The following PDXDC1 variants were observed in gnomAD, a reference collection of about 807,000 sequenced individuals.
The protein encoded by PDXDC1 is pyridoxal dependent decarboxylase domain containing 1.
Under a neutral mutation model 100.1 loss-of-function variants are expected in PDXDC1, and 42 were observed. The observed-to-expected ratio is 0.42, with a 90% confidence interval of 0.33 to 0.54. The LOEUF (loss-of-function observed/expected upper bound fraction) is 0.54, where lower values mean the gene tolerates loss of function less well. Ranked by LOEUF, PDXDC1 falls within the 20% of genes least tolerant of loss-of-function variation. The pLI, the probability that PDXDC1 is intolerant of heterozygous loss-of-function variation, is 0.10. For missense variants in PDXDC1, 636 were observed against 979.2 expected (o/e 0.65, Z 4.68); for synonymous variants, 260 against 371.7 (o/e 0.70, Z 3.46).
intron 16 of PDXDC1, chr16:15,044,460 G>T: frequency 7.8e-6 from 9 of 1,147,096 alleles, no homozygotes; most frequent in Non-Finnish European, 1.2e-5. Flanking sequence ...CGGTGCGTGC[G>T]CTGGTCTCAC....
chr16:15,075,842 T>C (rs898531817), intron 16 of PDXDC1, among the ~76,000 whole-genome samples: 1 of 152,136 alleles, frequency 6.6e-6, no homozygotes, highest in Non-Finnish European at 1.5e-5. Flanking sequence ...ACCTCCCCAC[T>C]GCTGTGAGTA....
At position 15,037,790 on chromosome 16, in the gene PDXDC1, T is replaced by C. The variant is rs542084195; in HGVS notation, c.*1515T>C. ...AGGTAGGTTCTCCTCTGCCCGTTAT[T>C]ACCGACCAAAAAAAAAACTGGACAT... On this transcript the variant is annotated 3_prime_UTR_variant, in exon 23 of 23. Transcript: ENST00000396410. 70 of 409,448 alleles carry C rather than the reference T, an allele frequency of 1.7e-4. No homozygotes were observed. The South Asian group carries it at 3.1e-3, about 18-fold the overall frequency. The allele number at this position is 409,448 out of a possible 1,614,324, so 25.4% of individuals were successfully genotyped here.
intron 16 of PDXDC1, chr16:15,047,677 C>T: frequency 3.3e-6 from 3 of 913,552 alleles, no homozygotes; most frequent in Non-Finnish European, 5.4e-6. Flanking sequence ...ACGGACAGGT[C>T]TGTGCTCCCC....
intron 1 of PDXDC1, among the ~76,000 whole-genome samples, chr16:14,985,138 A>G (rs541511202): frequency 4.5e-4 from 69 of 152,360 alleles, no homozygotes; most frequent in African/African-American, 1.6e-3. Flanking sequence ...CGGCCTCCCA[A>G]AGTGCTGGGA....
intron 16 of PDXDC1, chr16:15,137,344 G>C: frequency 6.7e-7 from 1 of 1,493,438 alleles, no homozygotes; most frequent in Non-Finnish European, 9.0e-7. Context: ...ACAGGCAGGC[G>C]AAGGAGGCAC....
intron 17 of PDXDC1, 165 bp downstream of exon 17, chr16:15,032,071 G>A (rs1282744860): frequency 1.5e-6 from 1 of 656,708 alleles, no homozygotes; most frequent in Non-Finnish European, 2.6e-6. Context: ...CACAGTGCAA[G>A]CAGGCAATTT....
downstream of PDXDC1, among the ~76,000 whole-genome samples, chr16:15,042,183 ATC>A (rs2043845928): frequency 1.4e-5 from 2 of 144,444 alleles, no homozygotes; most frequent in African/African-American, 5.0e-5. Flanking sequence ...ACAATTTTAT[ATC>A]TTTTTTTTTT....
chr16:15,147,226 C>A, the PDXDC1 span, among the ~76,000 whole-genome samples: 1 of 152,052 alleles, frequency 6.6e-6, no homozygotes, highest in Non-Finnish European at 1.5e-5. Context: ...CCCCTCAGCC[C>A]CTCGGGGAGT....
intron 1 of PDXDC1, among the ~76,000 whole-genome samples, chr16:14,984,388 G>A (rs1968757289): frequency 9.5e-6 from 1 of 104,736 alleles, no homozygotes; most frequent in African/African-American, 3.3e-5. Context: ...GATTTGAGGT[G>A]TGTGTTTGTG....
chr16:15,131,297 C>T (rs750163450), intron 16 of PDXDC1: 19 of 1,572,216 alleles, frequency 1.2e-5, no homozygotes, highest in East Asian at 9.0e-5. Context: ...ATCTGGGCGC[C>T]GGCCTGTGTC....
chr16:15,131,499 C>T (rs945510246), intron 16 of PDXDC1: 40 of 1,607,432 alleles, frequency 2.5e-5, no homozygotes, highest in Non-Finnish European at 3.1e-5. Context: ...GCAGGCTCCG[C>T]GGGTCCGAGC....
chr16:15,102,842 G>A (rs1406627167), intron 16 of PDXDC1, among the ~76,000 whole-genome samples: 2 of 149,602 alleles, frequency 1.3e-5, no homozygotes, highest in African/African-American at 5.1e-5. Flanking sequence ...GGGAGGTTGA[G>A]GTGGCAGTAT....
chr16:15,143,187 C>T (rs1033716866), downstream of PDXDC1, among the ~76,000 whole-genome samples: 11 of 152,136 alleles, frequency 7.2e-5, no homozygotes, highest in African/African-American at 2.7e-4. Context: ...ACCATCCTAG[C>T]GTGGGACCCA....
At position 15,037,319 on chromosome 16, in the gene PDXDC1, C is replaced by CTTAATCCAGCAGTCAAGCTAA. The variant is rs1196352280; in HGVS notation, c.*1063_*1064insAATTAATCCAGCAGTCAAGCT. On this transcript the variant is annotated 3_prime_UTR_variant, in exon 23 of 23. Transcript: ENST00000396410. ...TCGTAAGTAATGGCCCCTGTGCCTT[C>CTTAATCCAGCAGTCAAGCTAA]TTAATCCAGCAGTCAAGCTTTTGGG... is the stretch of plus-strand genomic sequence containing the variant. 1 of 152,214 alleles carries CTTAATCCAGCAGTCAAGCTAA rather than the reference C, an allele frequency of 6.6e-6. No individual in the cohort carries two copies. The highest frequency in any genetic ancestry group is 2.4e-5 in the African/African-American group (1 of 41,442). 9.4% of individuals were successfully genotyped at this position (152,214 alleles called of 1,614,324 possible).
intron 16 of PDXDC1, chr16:15,129,785 T>C: frequency 1.5e-6 from 1 of 687,934 alleles, no homozygotes; most frequent in Non-Finnish European, 2.6e-6. Context: ...AAAAACTGCC[T>C]TGTTCTGACG....
chr16:15,070,705 G>C (rs1233232160), intron 16 of PDXDC1, among the ~76,000 whole-genome samples: 1 of 151,864 alleles, frequency 6.6e-6, no homozygotes, highest in African/African-American at 2.4e-5. Context: ...TTGTCCAAAG[G>C]TATCTTTATG....
At chr16:15,031,401 G>A (rs2043058431) in intron 16 of PDXDC1, among the ~76,000 whole-genome samples, 1 of 152,152 alleles carries the variant, frequency 6.6e-6, no homozygotes, top group South Asian at 2.1e-4. Flanking sequence ...TACAGAATCT[G>A]TGGTTGCCTT....
chr16:14,989,142 T>C, intron 1 of PDXDC1: 1 of 1,614,266 alleles, frequency 6.2e-7, no homozygotes. Flanking sequence ...GCTGAAGAGC[T>C]GAGCCCAGAG....
chr16:15,085,386 A>T (rs1156507779), intron 16 of PDXDC1, among the ~76,000 whole-genome samples: 4 of 152,208 alleles, frequency 2.6e-5, no homozygotes, highest in African/African-American at 4.8e-5. Flanking sequence ...CCTGGGCTCA[A>T]GCAATCCACC....
Sources: gnomAD v4.1 joint callset for allele counts (sites outside exome capture counted in the v4.1 genomes callset) on GRCh38, gnomAD v4.1.1 for gene constraint, MANE v1.5 for transcripts, NCBI Gene and HGNC (gene_info 2026-07-23, HGNC 2026-07-21) for gene names.